The following ARHGEF38 variants were observed in gnomAD, a reference collection of about 807,000 sequenced individuals.
The protein encoded by ARHGEF38 is Rho guanine nucleotide exchange factor 38.
ARHGEF38 carries 79 observed loss-of-function variants against 79.9 expected under a neutral mutation model. That is an observed-to-expected ratio of 0.99 (90% CI 0.82 to 1.19). The LOEUF is 1.19. ARHGEF38 is among the 50% of genes most tolerant of loss of function. The pLI, the probability that ARHGEF38 is intolerant of heterozygous loss-of-function variation, is 0.00. For synonymous variants in ARHGEF38, 366 were observed against 328.3 expected (o/e 1.11, Z -1.24); for missense variants, 962 against 907.2 (o/e 1.06, Z -0.78).
At chr4:105,660,554 C>T (rs1285541345) in intron 10 of ARHGEF38, among the ~76,000 whole-genome samples, 1 of 151,954 alleles carries the variant, frequency 6.6e-6, no homozygotes, top group Non-Finnish European at 1.5e-5. Context: ...ATTTTCCTGC[C>T]TCAGCCTCCT....
In ARHGEF38 at chr4:105,571,424, G is replaced by T. The variant is rs1431757133; in HGVS notation, c.197-17824G>T. ...TGCAAGCTCCACCTCCCAGGTTCTCGCCATTCTCCTGCCTCAGCCTCCGGA... is the reference window on the plus strand; with the variant it reads ...TGCAAGCTCCACCTCCCAGGTTCTCTCCATTCTCCTGCCTCAGCCTCCGGA... On this transcript the variant is annotated intron_variant, in intron 1 of 13. Coordinates refer to ENST00000420470, the MANE Select transcript of ARHGEF38 (RefSeq NM_001242729.2). Among the ~76,000 whole-genome samples the T allele has an allele frequency of 2.0e-5, 3 of 146,926 alleles. No homozygotes were observed. In the Admixed American group the frequency reaches 2.1e-4, roughly 10 times the overall value.
chr4:105,667,114 CCTT>C lies in ARHGEF38; in HGVS notation c.1690-14_1690-12del. 6.6e-7 allele frequency: 1 copy of C among 1,526,022 alleles called. No homozygotes were observed. Among genetic ancestry groups the C allele is most frequent in the Non-Finnish European group, 8.8e-7 (1 of 1,140,258 alleles). The allele number at this position is 1,526,022 out of a possible 1,614,324, so 94.5% of individuals were successfully genotyped here. A position where few individuals can be genotyped will look rare whatever the true frequency, so the allele number is the denominator to read the frequency against. On this transcript the variant is annotated splice_polypyrimidine_tract_variant and intron_variant, in intron 11 of 13. Coordinates refer to ENST00000420470, the MANE Select transcript of ARHGEF38 (RefSeq NM_001242729.2). Reference sequence around the variant, plus strand: ...TGTATCTGTCTAAACCAAAACTTCTCCTTATTTCTCCCAGCCAGAAATGCCACA... The same window carrying C: ...TGTATCTGTCTAAACCAAAACTTCTCATTTCTCCCAGCCAGAAATGCCACA...
intron 3 of ARHGEF38, among the ~76,000 whole-genome samples, chr4:105,629,761 C>A (rs1269573988): frequency 1.3e-5 from 2 of 151,956 alleles, no homozygotes; most frequent in South Asian, 2.1e-4. Flanking sequence ...CAGTTATAGA[C>A]CCTATTTCAT....
chr4:105,644,021 C>T (rs980186717), intron 5 of ARHGEF38, among the ~76,000 whole-genome samples: 3 of 151,710 alleles, frequency 2.0e-5, no homozygotes, highest in Non-Finnish European at 4.4e-5. Flanking sequence ...TGCCTGCCAC[C>T]ATGCCTGGCT....
chr4:105,561,477 A>ATGGAATAGAG (rs1725593161), intron 1 of ARHGEF38: 1 of 129,926 alleles, frequency 7.7e-6, no homozygotes, highest in Non-Finnish European at 1.6e-5. Flanking sequence ...ATAGAATAGA[A>ATGGAATAGAG]TAGAATAGAA....
chr4:105,631,437 G>T (rs1373623638), intron 4 of ARHGEF38: 27 of 986,886 alleles, frequency 2.7e-5, no homozygotes, highest in Non-Finnish European at 3.1e-5. Flanking sequence ...TAGGGGAATG[G>T]CCTACAACTC....
intron 2 of ARHGEF38, among the ~76,000 whole-genome samples, chr4:105,599,803 C>G (rs1394680248): frequency 1.3e-5 from 2 of 152,138 alleles, no homozygotes; most frequent in Non-Finnish European, 2.9e-5. Flanking sequence ...TAGACACAGG[C>G]AAGGTAGATG....
chr4:105,633,716 T>C (rs1433722928), intron 4 of ARHGEF38, among the ~76,000 whole-genome samples: 2 of 152,174 alleles, frequency 1.3e-5, no homozygotes, highest in Non-Finnish European at 2.9e-5. Context: ...AAATATTTAA[T>C]AAGAGTGCTA....
chr4:105,587,360 T>C (rs1381739425), intron 1 of ARHGEF38, among the ~76,000 whole-genome samples: 1 of 152,186 alleles, frequency 6.6e-6, no homozygotes, highest in Non-Finnish European at 1.5e-5. Flanking sequence ...ATTCTCATAA[T>C]ATAGATCAGG....
intron 4 of ARHGEF38, among the ~76,000 whole-genome samples, chr4:105,632,031 A>G (rs1054208481): frequency 1.3e-5 from 2 of 152,010 alleles, no homozygotes; most frequent in Non-Finnish European, 2.9e-5. Flanking sequence ...GGGATCCCCA[A>G]CGGGGATGGG....
chr4:105,595,180 T>C (rs1240631787), intron 2 of ARHGEF38, among the ~76,000 whole-genome samples: 1 of 152,208 alleles, frequency 6.6e-6, no homozygotes, highest in Admixed American at 6.5e-5. Flanking sequence ...TTTCCTCCCC[T>C]AGAGGCAAAC....
intron 1 of ARHGEF38, among the ~76,000 whole-genome samples, chr4:105,573,146 T>C (rs1020933012): frequency 6.6e-6 from 1 of 152,184 alleles, no homozygotes; most frequent in Admixed American, 6.5e-5. Context: ...GGTGTTAATC[T>C]TTTATCAGAT....
intron 1 of ARHGEF38, among the ~76,000 whole-genome samples, chr4:105,558,894 G>A (rs574140023): frequency 2.0e-5 from 3 of 151,618 alleles, no homozygotes; most frequent in African/African-American, 7.3e-5. Context: ...AGAAAGGAAG[G>A]AGAGAGAGAA....
At chr4:105,562,050 G>T (rs942232394) in intron 1 of ARHGEF38, among the ~76,000 whole-genome samples, 3 of 152,098 alleles carry the variant, frequency 2.0e-5, no homozygotes, top group Non-Finnish European at 4.4e-5. Context: ...TTCCCTTCTT[G>T]GTGATACAGG....
At chr4:105,635,811 T>A (rs1161560680) in intron 4 of ARHGEF38, among the ~76,000 whole-genome samples, 1 of 152,050 alleles carries the variant, frequency 6.6e-6, no homozygotes, top group Non-Finnish European at 1.5e-5. Context: ...TTTAAAAAAA[T>A]TATAATTCTG....
chr4:105,559,433 A>G (rs1725411890), intron 1 of ARHGEF38, among the ~76,000 whole-genome samples: 1 of 152,088 alleles, frequency 6.6e-6, no homozygotes, highest in East Asian at 1.9e-4. Flanking sequence ...TGGAGTGTTC[A>G]GATCATGTCT....
intron 2 of ARHGEF38, among the ~76,000 whole-genome samples, chr4:105,599,149 C>T (rs1727712576): frequency 6.6e-6 from 1 of 152,094 alleles, no homozygotes; most frequent in Non-Finnish European, 1.5e-5. Context: ...GGAAGGAAAT[C>T]TCTTATCTTT....
chr4:105,586,873 G>T (rs1727075615), intron 1 of ARHGEF38, among the ~76,000 whole-genome samples: 1 of 152,014 alleles, frequency 6.6e-6, no homozygotes, highest in African/African-American at 2.4e-5. Flanking sequence ...AGGAGTAAAG[G>T]ACGTCCCTCA....
chr4:105,557,013 A>G (rs1725282976), intron 1 of ARHGEF38, among the ~76,000 whole-genome samples: 4 of 152,192 alleles, frequency 2.6e-5, no homozygotes, highest in Admixed American at 1.3e-4. Context: ...GACAAGAGCC[A>G]TCTTAACTTC....
Sources: allele counts gnomAD v4.1 joint callset (sites outside exome capture counted in the v4.1 genomes callset), GRCh38; gene constraint gnomAD v4.1.1; transcripts MANE v1.5; gene names NCBI Gene and HGNC (gene_info 2026-07-23, HGNC 2026-07-21).